KLHDC10: variants seen among roughly 807,000 people sequenced by gnomAD.
The protein encoded by KLHDC10 is kelch domain-containing protein 10.
In KLHDC10, 24 loss-of-function variants were observed where a neutral mutation model predicts 56.1. The ratio of observed to expected loss-of-function variants is 0.43; its 90% CI spans 0.31 to 0.60. The LOEUF (loss-of-function observed/expected upper bound fraction) is 0.60. Among genes scored for constraint, KLHDC10 ranks in the 20% least tolerant of loss-of-function variants. The probability of loss-of-function intolerance (pLI) is 0.11; values close to 1 mark genes in which losing one functional copy is unlikely to be tolerated. For missense variants in KLHDC10, 349 were observed against 567.0 expected (o/e 0.62, Z 3.91); for synonymous variants, 188 against 207.1 (o/e 0.91, Z 0.79).
chr7:130,129,629 CT>C, intron 9 of KLHDC10, 53 bp downstream of exon 9: 3 of 1,533,420 alleles, frequency 2.0e-6, no homozygotes, highest in Non-Finnish European at 1.8e-6. Context: ...ATAAGGAAAT[CT>C]TTTTAGAGAT....
At position 130,130,344 on chromosome 7, in the gene KLHDC10, A is replaced by G. The variant is rs1442022811; in HGVS notation, c.1120-193A>G. Among the ~76,000 whole-genome samples, 12 of 149,096 alleles carry G rather than the reference A, an allele frequency of 8.0e-5. No individual in the cohort carries two copies. Among genetic ancestry groups the G allele is most frequent in the Admixed American group, 4.7e-4 (7 of 14,954 alleles). ...CTCAAAAAAAAAAAAAATCATATATATATATATATAGTTTTTCCCTTAGTA... is the reference window on the plus strand; with the variant it reads ...CTCAAAAAAAAAAAAAATCATATATGTATATATATAGTTTTTCCCTTAGTA... On this transcript the variant is annotated intron_variant, in intron 9 of 9. Transcript: ENST00000335420. The surrounding 1 kb of genome is among the most constrained non-coding windows in gnomAD (Gnocchi z 4.2).
At chr7:130,118,243 A>G (rs1363661079) in intron 3 of KLHDC10, among the ~76,000 whole-genome samples, 2 of 152,218 alleles carry the variant, frequency 1.3e-5, no homozygotes, top group African/African-American at 4.8e-5. Context: ...GATCTTCTGG[A>G]TAACTTGCTG....
intron 1 of KLHDC10, among the ~76,000 whole-genome samples, chr7:130,077,845 G>A (rs1795536747): frequency 4.0e-5 from 6 of 151,830 alleles, no homozygotes; most frequent in Admixed American, 1.3e-4. Flanking sequence ...GAGAGCCACC[G>A]CGCCCGGCCG....
intron 1 of KLHDC10, among the ~76,000 whole-genome samples, chr7:130,084,164 A>G (rs1467172474): frequency 1.3e-5 from 2 of 152,240 alleles, no homozygotes; most frequent in Non-Finnish European, 2.9e-5. Flanking sequence ...CAGCAAGCCT[A>G]AAACTGAATT....
chr7:130,106,831 C>T (rs1006827368), intron 2 of KLHDC10, among the ~76,000 whole-genome samples: 5 of 152,000 alleles, frequency 3.3e-5, no homozygotes, highest in South Asian at 2.1e-4. Flanking sequence ...ATTAGCCGGG[C>T]GTGGTGGCAC....
chr7:130,120,835 A>T lies in KLHDC10; in HGVS notation c.562A>T (p.Asn188Tyr). 1 of 1,614,158 alleles carries T rather than the reference A, an allele frequency of 6.2e-7. No homozygotes were observed. Among genetic ancestry groups the T allele is most frequent in the South Asian group, 1.1e-5 (1 of 91,084 alleles). The part of the protein sequence containing the change: ...ESNGNDVHVC[N>Y]VKYKRWALLS... The stretch of plus-strand genomic sequence containing the variant: ...CAACGGCAATGACGTCCATGTGTGT[A>T]ATGTGAAGTATAAGAGATGGGCTTT... The change falls in exon 4 of 10, where the codon AAT (asparagine) becomes TAT (tyrosine). Residue 188 changes from asparagine to tyrosine, a missense_variant. By Grantham distance (143) the Asn-to-Tyr change is moderately radical. Transcript: ENST00000335420. This position sits in a 1 kb window ranked among gnomAD's most constrained non-coding sequence, Gnocchi z 5.1.
chr7:130,127,423 G>A lies in KLHDC10; in HGVS notation c.951G>A (p.Arg317=), dbSNP rs751921927. ...HEKIGFPAAR[R]CHSCVQIKND... The stretch of plus-strand genomic sequence containing the variant: ...TGGCAGGCTTTCCTGCAGCCCGAAG[G>A]TGTCACAGTTGTGTTCAAATAAAAA... Residue 317 remains arginine, a synonymous_variant, in exon 8 of 10, where the codon AGG becomes AGA. Transcript: ENST00000335420. The A allele has an allele frequency of 6.2e-7, 1 of 1,613,586 alleles. No individual in the cohort carries two copies. Among genetic ancestry groups the A allele is most frequent in the East Asian group, 2.2e-5 (1 of 44,884 alleles).
At chr7:130,072,368 C>T (rs1206898253) in intron 1 of KLHDC10, among the ~76,000 whole-genome samples, 1 of 152,164 alleles carries the variant, frequency 6.6e-6, no homozygotes, top group Non-Finnish European at 1.5e-5. Context: ...TGCTAAGGGG[C>T]TTCAGTGTAG....
intron 5 of KLHDC10, 133 bp from the exon 6 acceptor site, chr7:130,124,318 C>T: frequency 3.4e-6 from 2 of 595,866 alleles, no homozygotes; most frequent in Non-Finnish European, 6.1e-6. Flanking sequence ...AACCAATTCA[C>T]TATTGTTAAA....
In KLHDC10 at chr7:130,125,869, A is replaced by G; in HGVS notation, c.869A>G (p.His290Arg). The change falls in exon 7 of 10, where the codon CAT becomes CGT. Residue 290 changes from histidine (H) to arginine (R), a missense_variant. This residue lies in a region of KLHDC10 where 245 missense variants were observed against 470.1 expected (regional missense o/e 0.52). Coordinates refer to ENST00000335420, the MANE Select transcript of KLHDC10 (RefSeq NM_014997.4). ...ATGTTCTTTTTTTTCTCCAAGATCC[A>G]TGCATACAACCTTGAAACGAATGCC... Reference protein sequence around the residue: ...SWTAYSLNKIHAYNLETNAWE... With the variant: ...SWTAYSLNKIRAYNLETNAWE... The G allele has an allele frequency of 6.3e-7, 1 of 1,597,568 alleles. No individual in the cohort carries two copies. The highest frequency in any genetic ancestry group is 8.5e-7 in the Non-Finnish European group (1 of 1,175,340).
intron 2 of KLHDC10, among the ~76,000 whole-genome samples, chr7:130,100,168 G>A (rs1010908468): frequency 6.6e-6 from 1 of 151,530 alleles, no homozygotes; most frequent in African/African-American, 2.4e-5. Flanking sequence ...GAAATTAGAT[G>A]TAGATTTTAG....
intron 7 of KLHDC10, among the ~76,000 whole-genome samples, chr7:130,126,427 G>C (rs1477082007): frequency 1.3e-5 from 2 of 152,198 alleles, no homozygotes; most frequent in Non-Finnish European, 2.9e-5. Context: ...TATAATCCCA[G>C]CACTTTGGAA....
Position 130,130,635 on chromosome 7 carries a change from G to C in KLHDC10, c.1218G>C (p.Leu406=), listed in dbSNP as rs1331377633. ...TCTGGCTGGTGGTACCTAGCCTGCT[G>C]GAACTGGCATGGGAGAAGCTGCTTG... ...FKIWLVVPSL[L]ELAWEKLLAA... is the part of the protein sequence containing the mutation. The change falls in exon 10 of 10, where the codon CTG becomes CTC. Residue 406 remains leucine, a synonymous_variant. Transcript: ENST00000335420. The surrounding 1 kb of genome is among the most constrained non-coding windows in gnomAD (Gnocchi z 4.2). 2 of 1,614,116 alleles carry C rather than the reference G, an allele frequency of 1.2e-6. No individual in the cohort carries two copies. Among genetic ancestry groups the C allele is most frequent in the African/African-American group, 2.7e-5 (2 of 75,010 alleles).
At chr7:130,087,593 A>G (rs564340767) in intron 1 of KLHDC10, among the ~76,000 whole-genome samples, 1 of 152,036 alleles carries the variant, frequency 6.6e-6, no homozygotes, top group East Asian at 1.9e-4. Context: ...TTCCCTTTTT[A>G]CCCATAGTAG....
chr7:130,116,815 T>C lies in KLHDC10; in HGVS notation c.475+149T>C. ...GCTTTTTACTAGGGTAATAACAGTATGGTGATTCCAAATTATTTGGGTCCT... is the reference window on the plus strand; with the variant it reads ...GCTTTTTACTAGGGTAATAACAGTACGGTGATTCCAAATTATTTGGGTCCT... On this transcript the variant is annotated intron_variant, in intron 3 of 9. Transcript: ENST00000335420. The surrounding 1 kb of genome is among the most constrained non-coding windows in gnomAD (Gnocchi z 4.8). 1 of 652,770 alleles carries C rather than the reference T, an allele frequency of 1.5e-6. No homozygotes were observed. Among genetic ancestry groups the C allele is most frequent in the Non-Finnish European group, 2.6e-6 (1 of 380,074 alleles). The allele number at this position is 652,770 out of a possible 1,614,324, so 40.4% of individuals were successfully genotyped here. A position where few individuals can be genotyped will look rare whatever the true frequency, so the allele number is the denominator to read the frequency against.
intron 1 of KLHDC10, among the ~76,000 whole-genome samples, chr7:130,082,591 T>G (rs947498424): frequency 2.6e-5 from 4 of 152,236 alleles, no homozygotes; most frequent in African/African-American, 9.6e-5. Flanking sequence ...GTTTACCATA[T>G]GAATAACATT....
intron 1 of KLHDC10, among the ~76,000 whole-genome samples, chr7:130,087,995 A>C (rs1253039992): frequency 6.6e-6 from 1 of 151,442 alleles, no homozygotes; most frequent in Admixed American, 6.6e-5. Flanking sequence ...TCCTGACCTC[A>C]AGTGATCCAC....
chr7:130,096,418 T>C (rs749550794), intron 1 of KLHDC10, among the ~76,000 whole-genome samples: 5 of 152,206 alleles, frequency 3.3e-5, no homozygotes, highest in Non-Finnish European at 5.9e-5. Context: ...GGTTGCTGTT[T>C]TAAAATTTAA....
chr7:130,104,893 C>T (rs1314422324), intron 2 of KLHDC10, among the ~76,000 whole-genome samples: 1 of 152,162 alleles, frequency 6.6e-6, no homozygotes, highest in Non-Finnish European at 1.5e-5. Flanking sequence ...GCCCCATCTC[C>T]AACACTGGGG....
Sources: allele counts gnomAD v4.1 joint callset (sites outside exome capture counted in the v4.1 genomes callset), GRCh38; gene constraint gnomAD v4.1.1; regional missense constraint gnomAD v4.1.1; non-coding constraint Gnocchi (gnomAD v3.1); transcripts MANE v1.5; gene names NCBI Gene and HGNC (gene_info 2026-07-23, HGNC 2026-07-21).